PIK3C2A: variants seen among roughly 807,000 people sequenced by gnomAD.
PIK3C2A encodes phosphatidylinositol-4-phosphate 3-kinase catalytic subunit type 2 alpha.
In PIK3C2A, 97 loss-of-function variants were observed where a neutral mutation model predicts 204.5. The ratio of observed to expected loss-of-function variants is 0.47; its 90% CI spans 0.40 to 0.56. The LOEUF is 0.56. Ranked by LOEUF, PIK3C2A falls within the 20% of genes least tolerant of loss-of-function variation. The pLI, the probability that PIK3C2A is intolerant of heterozygous loss-of-function variation, is 0.00. For missense variants in PIK3C2A, 1,735 were observed against 1,969.2 expected (o/e 0.88, Z 2.25); for synonymous variants, 653 against 664.4 (o/e 0.98, Z 0.26).
intron 2 of PIK3C2A, among the ~76,000 whole-genome samples, chr11:17,166,790 A>G (rs1850967440): frequency 6.6e-6 from 1 of 152,218 alleles, no homozygotes; most frequent in Admixed American, 6.5e-5. Context: ...AATCCAGACT[A>G]CATCTCAAAT....
In PIK3C2A at chr11:17,087,062, G is replaced by C. The variant is rs960593752; in HGVS notation, c.*2676C>G. The C allele has an allele frequency of 2.6e-5, 4 of 152,096 alleles. No homozygotes were observed. The highest frequency in any genetic ancestry group is 9.7e-5 in the African/African-American group (4 of 41,426). 9.4% of individuals were successfully genotyped at this position (152,096 alleles called of 1,614,324 possible). A position where few individuals can be genotyped will look rare whatever the true frequency, so the allele number is the denominator to read the frequency against. On this transcript the variant is annotated 3_prime_UTR_variant, in exon 33 of 33. Transcript: ENST00000691414. ...GGGTTCCTCAGTAGAGAAAATAATA[G>C]GTTCTTTGAGTGAACCATTATCTTC...
chr11:17,160,149 A>ACAATAG (rs1401234329), intron 2 of PIK3C2A, among the ~76,000 whole-genome samples: 1 of 152,232 alleles, frequency 6.6e-6, no homozygotes, highest in African/African-American at 2.4e-5. Context: ...TCGAGCATAG[A>ACAATAG]CAGCCAAGGA....
At chr11:17,097,686 A>T (rs1382243262) in intron 26 of PIK3C2A, among the ~76,000 whole-genome samples, 3 of 152,122 alleles carry the variant, frequency 2.0e-5, no homozygotes, top group Non-Finnish European at 4.4e-5. Context: ...GGCCAAGGGG[A>T]GCGGATCACT....
Position 17,089,521 on chromosome 11 carries a change from G to C in PIK3C2A, c.*217C>G, listed in dbSNP as rs1848234483. 1.7e-5 allele frequency: 8 copies of C among 467,478 alleles called. No homozygotes were observed. In the South Asian group the frequency reaches 2.9e-4, roughly 17 times the overall value. 29.0% of individuals were successfully genotyped at this position (467,478 alleles called of 1,614,324 possible). On this transcript the variant is annotated 3_prime_UTR_variant, in exon 33 of 33. Transcript: ENST00000691414. ...CATTCTACATAATGACTTTAAAACAGCAATGGCTTCCAAAAATTCAAAAAG... is the reference window on the plus strand; with the variant it reads ...CATTCTACATAATGACTTTAAAACACCAATGGCTTCCAAAAATTCAAAAAG...
Position 17,087,021 on chromosome 11 carries a change from G to C in PIK3C2A, c.*2717C>G, listed in dbSNP as rs1027189525. The C allele has an allele frequency of 7.9e-5, 12 of 152,274 alleles. No homozygotes were observed. In the East Asian group the frequency reaches 2.3e-3, roughly 29 times the overall value. 9.4% of individuals were successfully genotyped at this position (152,274 alleles called of 1,614,324 possible). Reference sequence around the variant, plus strand: ...TATAAAGGCAGTAATAAAAATATCAGTGCAAGTTCTACATTGGGTTCCTCA... The same window carrying C: ...TATAAAGGCAGTAATAAAAATATCACTGCAAGTTCTACATTGGGTTCCTCA... On this transcript the variant is annotated 3_prime_UTR_variant, in exon 33 of 33. Transcript: ENST00000691414.
intron 2 of PIK3C2A, among the ~76,000 whole-genome samples, chr11:17,158,116 G>A (rs1467322490): frequency 2.0e-5 from 3 of 152,030 alleles, no homozygotes; most frequent in Admixed American, 1.3e-4. Flanking sequence ...TTGGGACGCC[G>A]AGGCAGGCAA....
At chr11:17,178,257 A>G (rs1851407745) in intron 1 of PIK3C2A, among the ~76,000 whole-genome samples, 1 of 152,172 alleles carries the variant, frequency 6.6e-6, no homozygotes, top group African/African-American at 2.4e-5. Context: ...AAAAAACACA[A>G]TGTCCTTGAA....
Position 17,119,782 on chromosome 11 carries a change from T to A in PIK3C2A, c.2846+4A>T, listed in dbSNP as rs1171179485. 1 of 1,516,746 alleles carries A rather than the reference T, an allele frequency of 6.6e-7. No individual in the cohort carries two copies. 94.0% of individuals were successfully genotyped at this position (1,516,746 alleles called of 1,614,324 possible). A position where few individuals can be genotyped will look rare whatever the true frequency, so the allele number is the denominator to read the frequency against. ...ACAAGAGCAAATAAATGTATTTGACTTACTTTGAATCAAGAAGTTCCAATG... is the reference window on the plus strand; with the variant it reads ...ACAAGAGCAAATAAATGTATTTGACATACTTTGAATCAAGAAGTTCCAATG... On this transcript the variant is annotated splice_donor_region_variant and intron_variant, in intron 16 of 32. Coordinates refer to ENST00000691414, the MANE Select transcript of PIK3C2A (RefSeq NM_002645.4).
intron 1 of PIK3C2A, among the ~76,000 whole-genome samples, chr11:17,180,914 A>G (rs1249565213): frequency 6.6e-6 from 1 of 151,912 alleles, no homozygotes; most frequent in African/African-American, 2.4e-5. Flanking sequence ...ATAATTTGCT[A>G]GAATGGTTCA....
At position 17,161,782 on chromosome 11, in the gene PIK3C2A, T is replaced by C. The variant is rs1014137847; in HGVS notation, c.1066-6153A>G. Among the ~76,000 whole-genome samples, 3 of 152,114 alleles carry C rather than the reference T, an allele frequency of 2.0e-5. No homozygotes were observed. In the East Asian group the frequency reaches 5.8e-4, roughly 29 times the overall value. Reference sequence around the variant, plus strand: ...GAAATGAACACTTAAGCATGTGAAGTAATTATAAAGAATAGGCATTGCAAT... The same window carrying C: ...GAAATGAACACTTAAGCATGTGAAGCAATTATAAAGAATAGGCATTGCAAT... On this transcript the variant is annotated intron_variant, in intron 2 of 32. Coordinates refer to ENST00000691414, the MANE Select transcript of PIK3C2A (RefSeq NM_002645.4).
intron 1 of PIK3C2A, among the ~76,000 whole-genome samples, chr11:17,174,864 C>T (rs1163040208): frequency 6.6e-6 from 1 of 151,968 alleles, no homozygotes; most frequent in African/African-American, 2.4e-5. Context: ...GTCACCATTG[C>T]ACTCCAGCCT....
intron 21 of PIK3C2A, 72 bp downstream of exon 21, chr11:17,112,502 C>G: frequency 1.5e-6 from 1 of 683,320 alleles, no homozygotes. Flanking sequence ...ATCACCTTTG[C>G]AATTTTGGGA....
intron 1 of PIK3C2A, among the ~76,000 whole-genome samples, chr11:17,192,446 G>A (rs1317431200): frequency 1.3e-5 from 2 of 152,038 alleles, no homozygotes; most frequent in Non-Finnish European, 2.9e-5. Flanking sequence ...CCCCACAAAA[G>A]AACTGTATTT....
chr11:17,143,068 T>C (rs909681408), intron 8 of PIK3C2A, among the ~76,000 whole-genome samples: 6 of 151,948 alleles, frequency 3.9e-5, no homozygotes, highest in Non-Finnish European at 5.9e-5. Flanking sequence ...GATTTCCAAG[T>C]TTATTATCTC....
At chr11:17,104,413 T>C (rs1235042069) in intron 23 of PIK3C2A, among the ~76,000 whole-genome samples, 2 of 152,162 alleles carry the variant, frequency 1.3e-5, no homozygotes, top group African/African-American at 4.8e-5. Flanking sequence ...CAGAGGTCAC[T>C]GAGGCACAAA....
chr11:17,089,863 C>T lies in PIK3C2A; in HGVS notation c.4936G>A (p.Val1646Ile). ...TLRQRELQLS[V>I]LSAESLRENF... Reference sequence around the variant, plus strand: ...TCCCGCAGAGATTCTGCACTGAGTACACTTAGTTGAAGTTCTCGCTGTCTT... The same window carrying T: ...TCCCGCAGAGATTCTGCACTGAGTATACTTAGTTGAAGTTCTCGCTGTCTT... The change falls in exon 33 of 33, where the codon GTA (valine) becomes ATA (isoleucine). Residue 1646 changes from valine to isoleucine, a missense_variant. By Grantham distance (29) the Val-to-Ile change is conservative (BLOSUM62 3). Around this residue, in one of 6 missense-constraint regions of PIK3C2A, gnomAD observed 503 missense variants for 669.0 expected, o/e 0.75. Transcript: ENST00000691414. 6.2e-7 allele frequency: 1 copy of T among 1,613,150 alleles called. No homozygotes were observed. The highest frequency in any genetic ancestry group is 8.5e-7 in the Non-Finnish European group (1 of 1,179,204).
intron 1 of PIK3C2A, among the ~76,000 whole-genome samples, chr11:17,202,234 C>T (rs1207713247): frequency 7.2e-6 from 1 of 139,668 alleles, no homozygotes; most frequent in Non-Finnish European, 1.5e-5. Context: ...CCAGCCTGGG[C>T]GACAAGAGTG....
intron 13 of PIK3C2A, among the ~76,000 whole-genome samples, chr11:17,128,401 G>A (rs913309773): frequency 6.6e-6 from 1 of 151,172 alleles, no homozygotes; most frequent in African/African-American, 2.4e-5. Context: ...TGCCCAGCTA[G>A]CTAATGTTTA....
In PIK3C2A at chr11:17,136,519, T is replaced by C; in HGVS notation, c.1811A>G (p.Lys604Arg). 6.2e-7 allele frequency: 1 copy of C among 1,610,132 alleles called. No individual in the cohort carries two copies. Among genetic ancestry groups the C allele is most frequent in the African/African-American group, 1.3e-5 (1 of 74,976 alleles). ...LAITESVKKLKRAVNLPRSKT... is the reference protein window; with the variant it reads ...LAITESVKKLRRAVNLPRSKT... ...ACTCCTTGGAAGATTAACTGCTCTC[T>C]TTAGCTTCTTTACTGATTCTGTAAT... Residue 604 changes from lysine to arginine, a missense_variant, in exon 9 of 33, where the codon AAG becomes AGG. Coordinates refer to ENST00000691414, the MANE Select transcript of PIK3C2A (RefSeq NM_002645.4).
Sources: gnomAD v4.1 joint callset for allele counts (sites outside exome capture counted in the v4.1 genomes callset) on GRCh38, gnomAD v4.1.1 for gene constraint, gnomAD v4.1.1 regional missense constraint, MANE v1.5 for transcripts, NCBI Gene and HGNC (gene_info 2026-07-23, HGNC 2026-07-21) for gene names.